Variants in PDE1C observed in about 807,000 individuals in gnomAD.
PDE1C encodes the protein dual specificity calcium/calmodulin-dependent 3',5'-cyclic nucleotide phosphodiesterase 1C.
In PDE1C, 62 loss-of-function variants were observed where a neutral mutation model predicts 93.1. That is an observed-to-expected ratio of 0.67 (90% CI 0.54 to 0.82). The LOEUF (loss-of-function observed/expected upper bound fraction) is 0.82, where lower values mean the gene tolerates loss of function less well. Among genes scored for constraint, PDE1C ranks in the 40% least tolerant of loss-of-function variants. The pLI is 0.00. For missense variants in PDE1C, 742 were observed against 884.6 expected, an observed-to-expected ratio of 0.84 and a Z score of 2.04; for synonymous variants, 325 against 310.1, an observed-to-expected ratio of 1.05 and a Z score of -0.50.
intron 2 of PDE1C, among the ~76,000 whole-genome samples, chr7:32,180,194 AG>A (rs1330012587): frequency 6.6e-6 from 1 of 152,228 alleles, no homozygotes; most frequent in East Asian, 1.9e-4. Context: ...TTTTCAATAT[AG>A]TAGTTACTGG....
chr7:32,077,212 C>A (rs1796406711), intron 3 of PDE1C, among the ~76,000 whole-genome samples: 1 of 152,158 alleles, frequency 6.6e-6, no homozygotes, highest in African/African-American at 2.4e-5. Flanking sequence ...TGCACTCCAG[C>A]CTGGGCAGCA....
At chr7:31,965,937 C>G (rs1316263267) in intron 2 of PDE1C, among the ~76,000 whole-genome samples, 1 of 152,132 alleles carries the variant, frequency 6.6e-6, no homozygotes, top group East Asian at 1.9e-4. Flanking sequence ...CAGGCCTGCC[C>G]TAAAAGAGCT....
intron 2 of PDE1C, among the ~76,000 whole-genome samples, chr7:31,954,027 C>A (rs562530211): frequency 6.6e-6 from 1 of 152,258 alleles, no homozygotes; most frequent in South Asian, 2.1e-4. Context: ...TGTAAGTAAG[C>A]AAAACTCATG....
chr7:31,895,019 G>A (rs539930237), intron 2 of PDE1C, among the ~76,000 whole-genome samples: 54 of 152,226 alleles, frequency 3.5e-4, no homozygotes, highest in African/African-American at 1.3e-3. Flanking sequence ...TGACTCCCAG[G>A]ACACCCTTAC....
the PDE1C span, among the ~76,000 whole-genome samples, chr7:31,702,771 A>G: frequency 6.6e-6 from 1 of 152,212 alleles, no homozygotes; most frequent in Non-Finnish European, 1.5e-5. Flanking sequence ...AATCATTTCT[A>G]CATAGCAATA....
chr7:32,030,796 CCTT>C (rs1194843432), intron 2 of PDE1C, among the ~76,000 whole-genome samples: 1 of 152,076 alleles, frequency 6.6e-6, no homozygotes, highest in Non-Finnish European at 1.5e-5. Flanking sequence ...ATAAAGACCT[CCTT>C]CTCTCCTCAA....
intron 2 of PDE1C, among the ~76,000 whole-genome samples, chr7:32,029,481 A>G (rs530139085): frequency 3.3e-5 from 5 of 152,140 alleles, no homozygotes; most frequent in Non-Finnish European, 7.4e-5. Context: ...TTTCTCAACT[A>G]AAGTTTATCT....
At chr7:32,142,318 G>A (rs1001077497) in intron 3 of PDE1C, among the ~76,000 whole-genome samples, 6 of 152,254 alleles carry the variant, frequency 3.9e-5, no homozygotes, top group Admixed American at 6.5e-5. Context: ...GAATAACATC[G>A]CAATAGCAGA....
intron 3 of PDE1C, among the ~76,000 whole-genome samples, chr7:32,105,701 CTTT>C (rs11313586): frequency 1.1e-4 from 15 of 134,012 alleles, no homozygotes; most frequent in Non-Finnish European, 2.0e-4. Context: ...CCACATCTGA[CTTT>C]TTTTTTTTTT....
intron 2 of PDE1C, among the ~76,000 whole-genome samples, chr7:32,015,581 A>AC (rs1787785929): frequency 6.6e-6 from 1 of 152,104 alleles, no homozygotes; most frequent in Non-Finnish European, 1.5e-5. Context: ...GCTAGAAACA[A>AC]TTTTTTGACC....
chr7:31,765,987 A>T (rs924349402), intron 17 of PDE1C, among the ~76,000 whole-genome samples: 4 of 152,204 alleles, frequency 2.6e-5, no homozygotes, highest in Non-Finnish European at 5.9e-5. Context: ...AAATAGAAAT[A>T]ATAGTACCTC....
At chr7:31,992,147 G>A (rs1784217823) in intron 2 of PDE1C, among the ~76,000 whole-genome samples, 1 of 152,242 alleles carries the variant, frequency 6.6e-6, no homozygotes, top group South Asian at 2.1e-4. Context: ...CCAGTAGGGA[G>A]AAGAGCAGTA....
intron 2 of PDE1C, among the ~76,000 whole-genome samples, chr7:31,988,797 C>A (rs888141913): frequency 6.6e-6 from 1 of 151,958 alleles, no homozygotes; most frequent in African/African-American, 2.4e-5. Context: ...GAGATTGAGA[C>A]CATCCTGGCG....
intron 1 of PDE1C, among the ~76,000 whole-genome samples, chr7:32,254,368 C>A (rs971109117): frequency 6.6e-6 from 1 of 152,156 alleles, no homozygotes; most frequent in African/African-American, 2.4e-5. Context: ...GTCCCCTGCA[C>A]ATTCATGAGA....
chr7:31,664,554 A>G, the PDE1C span, among the ~76,000 whole-genome samples: 1 of 152,220 alleles, frequency 6.6e-6, no homozygotes, highest in South Asian at 2.1e-4. Flanking sequence ...TCTCCCAACA[A>G]CCAGATGCAA....
At chr7:31,646,362 A>C in the PDE1C span, among the ~76,000 whole-genome samples, 1 of 152,116 alleles carries the variant, frequency 6.6e-6, no homozygotes, top group African/African-American at 2.4e-5. Context: ...CTGGGGATTG[A>C]AAGTGTGAGT....
intron 2 of PDE1C, among the ~76,000 whole-genome samples, chr7:31,970,166 GAA>G: frequency 6.6e-6 from 1 of 151,870 alleles, no homozygotes; most frequent in East Asian, 1.9e-4. Context: ...TTTTAAAAAA[GAA>G]AAAAGTGTCT....
intron 2 of PDE1C, among the ~76,000 whole-genome samples, chr7:31,901,134 A>C (rs1196312643): frequency 5.1e-5 from 3 of 59,096 alleles, no homozygotes. Flanking sequence ...AGCATTATTT[A>C]CAAAAAAAAA....
At chr7:31,870,258 G>C (rs1045596800) in intron 6 of PDE1C, among the ~76,000 whole-genome samples, 1 of 151,664 alleles carries the variant, frequency 6.6e-6, no homozygotes, top group Non-Finnish European at 1.5e-5. Context: ...GATCAGAGCA[G>C]AATTAAATGA....
Sources: allele counts gnomAD v4.1 joint callset (sites outside exome capture counted in the v4.1 genomes callset), GRCh38; gene constraint gnomAD v4.1.1; transcripts MANE v1.5; gene names NCBI Gene and HGNC (gene_info 2026-07-23, HGNC 2026-07-21).